CCDC178: variants seen among roughly 807,000 people sequenced by gnomAD.
CCDC178 encodes the protein coiled-coil domain-containing protein 178.
In CCDC178, 126 loss-of-function variants were observed where a neutral mutation model predicts 117.4. The observed-to-expected ratio is 1.07, with a 90% CI of 0.93 to 1.24. The LOEUF (loss-of-function observed/expected upper bound fraction) is 1.24, where lower values mean the gene tolerates loss of function less well. Ranked by LOEUF, CCDC178 falls within the 50% of genes most tolerant of loss-of-function variation. CCDC178 has a pLI of 0.00. For synonymous variants in CCDC178, 283 were observed against 313.4 expected (o/e 0.90, Z 1.02); for missense variants, 1,030 against 986.9 (o/e 1.04, Z -0.59).
chr18:33,214,144 T>G (rs967750412), intron 19 of CCDC178, among the ~76,000 whole-genome samples: 3 of 152,048 alleles, frequency 2.0e-5, no homozygotes, highest in Admixed American at 1.3e-4. Flanking sequence ...TGATCTTAGA[T>G]TCCCTGAGCC....
At chr18:33,378,699 T>C (rs1417439737) in intron 5 of CCDC178, among the ~76,000 whole-genome samples, 2 of 152,164 alleles carry the variant, frequency 1.3e-5, no homozygotes, top group Non-Finnish European at 2.9e-5. Context: ...ATGATCATAA[T>C]GTTTTTGTTT....
rs8097185 is a variant in CCDC178, at chr18:33,122,455, T to C, written c.2239-29545A>G. 7.3e-3 allele frequency among the ~76,000 whole-genome samples: 1,111 copies of C among 152,266 alleles called. 18 individuals are homozygous for C. Among genetic ancestry groups the C allele is most frequent in the African/African-American group, 0.025 (1,047 of 41,566 alleles). On this transcript the variant is annotated intron_variant, in intron 20 of 22. Coordinates refer to ENST00000383096, the MANE Select transcript of CCDC178 (RefSeq NM_001105528.4). Reference sequence around the variant, plus strand: ...TGATTTTTACTACATTTTATATTTATGTAGCCTTCATAGCAGGCATAATGC... The same window carrying C: ...TGATTTTTACTACATTTTATATTTACGTAGCCTTCATAGCAGGCATAATGC...
chr18:33,242,825 C>T (rs550826835), intron 15 of CCDC178, among the ~76,000 whole-genome samples: 1 of 151,810 alleles, frequency 6.6e-6, no homozygotes, highest in South Asian at 2.1e-4. Flanking sequence ...TTAGTACAGA[C>T]ACTATGGACA....
intron 21 of CCDC178, among the ~76,000 whole-genome samples, chr18:33,023,133 T>C (rs955373196): frequency 6.6e-6 from 1 of 152,102 alleles, no homozygotes; most frequent in Non-Finnish European, 1.5e-5. Context: ...ACAACAATAG[T>C]TGATGATTTC....
chr18:33,092,149 G>A (rs1440814052), intron 21 of CCDC178, among the ~76,000 whole-genome samples: 1 of 152,064 alleles, frequency 6.6e-6, no homozygotes, highest in Non-Finnish European at 1.5e-5. Flanking sequence ...ATTTTTTATT[G>A]TTACTAAGTA....
intron 4 of CCDC178, among the ~76,000 whole-genome samples, chr18:33,392,062 G>A (rs2063571712): frequency 6.6e-6 from 1 of 151,672 alleles, no homozygotes; most frequent in Non-Finnish European, 1.5e-5. Context: ...ATGGGGTTTT[G>A]TCATGTTGGC....
intron 15 of CCDC178, among the ~76,000 whole-genome samples, chr18:33,231,859 C>T (rs897556170): frequency 7.9e-5 from 12 of 152,286 alleles, no homozygotes; most frequent in Middle Eastern, 3.4e-3. Flanking sequence ...CTTCACTCTG[C>T]TTGGGAGAGA....
intron 3 of CCDC178, among the ~76,000 whole-genome samples, chr18:33,411,238 G>A (rs748689129): frequency 5.9e-5 from 9 of 152,162 alleles, no homozygotes; most frequent in Non-Finnish European, 1.2e-4. Context: ...TGTTCTCAAA[G>A]TATTCAAGGT....
intron 14 of CCDC178, among the ~76,000 whole-genome samples, chr18:33,260,454 ATTATATTATATATTTGTTATTTTATTAT>A (rs1235811411): frequency 4.0e-5 from 6 of 150,336 alleles, no homozygotes; most frequent in African/African-American, 1.5e-4. Flanking sequence ...TATATTTATC[ATTATATTATATATTTGTTATTTTATTAT>A]TTACTTATTT....
chr18:33,159,443 T>C (rs1474181461), intron 20 of CCDC178, among the ~76,000 whole-genome samples: 1 of 152,102 alleles, frequency 6.6e-6, no homozygotes, highest in Non-Finnish European at 1.5e-5. Context: ...AGAAATCTTA[T>C]GGGGCTAAAA....
chr18:32,969,588 G>T (rs544609641), intron 22 of CCDC178, among the ~76,000 whole-genome samples: 47 of 151,966 alleles, frequency 3.1e-4, no homozygotes, highest in African/African-American at 1.1e-3. Context: ...TTGTCTTTCA[G>T]GTTTAAACAT....
intron 21 of CCDC178, among the ~76,000 whole-genome samples, chr18:33,075,981 T>G (rs2057199615): frequency 6.6e-6 from 1 of 152,192 alleles, no homozygotes; most frequent in Non-Finnish European, 1.5e-5. Context: ...AAAAAAATTA[T>G]GTAGATATTT....
intron 12 of CCDC178, among the ~76,000 whole-genome samples, chr18:33,277,028 C>G (rs918024548): frequency 6.6e-6 from 1 of 151,976 alleles, no homozygotes; most frequent in African/African-American, 2.4e-5. Context: ...AAACTAGTAG[C>G]AATCCCATTA....
At chr18:33,334,801 T>G (rs1326042728) in intron 9 of CCDC178, among the ~76,000 whole-genome samples, 1 of 152,068 alleles carries the variant, frequency 6.6e-6, no homozygotes, top group Admixed American at 6.5e-5. Context: ...TATATATTTA[T>G]TTATTTTGTG....
chr18:33,164,459 C>A (rs2058504680), intron 20 of CCDC178, among the ~76,000 whole-genome samples: 1 of 151,888 alleles, frequency 6.6e-6, no homozygotes, highest in African/African-American at 2.4e-5. Context: ...ACGCAAAAGG[C>A]TTTTGATTGT....
chr18:33,186,465 A>T (rs919204149), intron 20 of CCDC178, among the ~76,000 whole-genome samples: 1 of 152,084 alleles, frequency 6.6e-6, no homozygotes, highest in African/African-American at 2.4e-5. Context: ...ATGTGTAGTG[A>T]CCAAAACATA....
intron 5 of CCDC178, among the ~76,000 whole-genome samples, chr18:33,377,298 T>A (rs1450349593): frequency 6.6e-6 from 1 of 152,168 alleles, no homozygotes; most frequent in Non-Finnish European, 1.5e-5. Context: ...AGGGTTGTTT[T>A]AAGCTTGTAA....
At chr18:33,215,341 A>C (rs2059152013) in intron 19 of CCDC178, among the ~76,000 whole-genome samples, 1 of 152,082 alleles carries the variant, frequency 6.6e-6, no homozygotes, top group Non-Finnish European at 1.5e-5. Context: ...TATTCAAATA[A>C]GAACAAACCC....
At chr18:33,344,022 C>T (rs1049016567) in intron 9 of CCDC178, among the ~76,000 whole-genome samples, 3 of 152,016 alleles carry the variant, frequency 2.0e-5, no homozygotes, top group Admixed American at 6.6e-5. Flanking sequence ...TTAAAAAATA[C>T]GGCCGGGCGC....
Sources: allele counts gnomAD v4.1 joint callset (sites outside exome capture counted in the v4.1 genomes callset), GRCh38; gene constraint gnomAD v4.1.1; transcripts MANE v1.5; gene names NCBI Gene and HGNC (gene_info 2026-07-23, HGNC 2026-07-21).